Variants in RBM28 observed in about 807,000 individuals in gnomAD.
RBM28 encodes the protein RNA-binding protein 28.
RBM28 carries 78 observed loss-of-function variants against 98.3 expected under a neutral mutation model. That is an observed-to-expected ratio of 0.79 (90% CI 0.66 to 0.96). RBM28 has a LOEUF of 0.96. RBM28 is among the 40% of genes least tolerant of loss of function. The probability of loss-of-function intolerance (pLI) is 0.00; values close to 1 mark genes in which losing one functional copy is unlikely to be tolerated. For missense variants in RBM28, 838 were observed against 913.0 expected (o/e 0.92, Z 1.06); for synonymous variants, 306 against 330.9 (o/e 0.92, Z 0.82).
chr7:128,323,718 G>C, intron 12 of RBM28, 127 bp from the exon 13 acceptor site: 1 of 1,037,732 alleles, frequency 9.6e-7, no homozygotes, highest in Non-Finnish European at 1.4e-6. Flanking sequence ...CCAGGACACG[G>C]TGGCATTTGG....
At position 128,330,943 on chromosome 7, in the gene RBM28, C is replaced by T; in HGVS notation, c.1020-15G>A. 6.4e-7 allele frequency: 1 copy of T among 1,554,986 alleles called. No homozygotes were observed. The highest frequency in any genetic ancestry group is 8.9e-7 in the Non-Finnish European group (1 of 1,126,080). On this transcript the variant is annotated splice_polypyrimidine_tract_variant and intron_variant, in intron 9 of 18. Transcript: ENST00000223073. Reference sequence around the variant, plus strand: ...AGGACAGATTTCTATGGAAGATAACCAGATGATCACAAGAAAAGTCAATTA... The same window carrying T: ...AGGACAGATTTCTATGGAAGATAACTAGATGATCACAAGAAAAGTCAATTA...
At chr7:128,333,182 G>T in intron 9 of RBM28, 108 bp downstream of exon 9, 1 of 839,060 alleles carries the variant, frequency 1.2e-6, no homozygotes, top group Non-Finnish European at 2.0e-6. Flanking sequence ...AGATGTGCTT[G>T]ATCTAATTTC....
In RBM28 at chr7:128,306,924, T is replaced by A. The variant is rs1795878458; in HGVS notation, c.*3873A>T. 6.6e-6 allele frequency: 1 copy of A among 152,186 alleles called. No individual in the cohort carries two copies. Among genetic ancestry groups the A allele is most frequent in the South Asian group, 2.1e-4 (1 of 4,824 alleles). 9.4% of individuals were successfully genotyped at this position (152,186 alleles called of 1,614,324 possible). ...AAGCCATCACAGACTCTGCAAATAA[T>A]CCTGGAAAGGAAGAGGTACCAGGAC... On this transcript the variant is annotated 3_prime_UTR_variant, in exon 19 of 19. Coordinates refer to ENST00000223073, the MANE Select transcript of RBM28 (RefSeq NM_018077.3).
rs2116291976 is a variant in RBM28 at position 128,299,684 on chromosome 7, G to T, written c.*11113C>A. ...ACAATCCAATGAGCCTCCCTTCAGA[G>T]AGAGGCACCCTCATGGCCTAATTAC... On this transcript the variant is annotated 3_prime_UTR_variant, in exon 19 of 19. Coordinates refer to ENST00000223073, the MANE Select transcript of RBM28 (RefSeq NM_018077.3). 6.6e-6 allele frequency: 1 copy of T among 152,340 alleles called. No individual in the cohort carries two copies. The highest frequency in any genetic ancestry group is 2.1e-4 in the South Asian group (1 of 4,826). The allele number at this position is 152,340 out of a possible 1,614,324, so 9.4% of individuals were successfully genotyped here.
chr7:128,318,467 C>G (rs1796152948), intron 14 of RBM28, among the ~76,000 whole-genome samples: 1 of 142,944 alleles, frequency 7.0e-6, no homozygotes, highest in Admixed American at 7.2e-5. Context: ...AGAGTGAGAC[C>G]CTGTCTCAAA....
Position 128,310,661 on chromosome 7 carries a change from A to T in RBM28, c.*136T>A, listed in dbSNP as rs1795960565. On this transcript the variant is annotated 3_prime_UTR_variant, in exon 19 of 19. Transcript: ENST00000223073. ...ACCAAAGTTCAGATGTACACAGTCC[A>T]GGGCACCTCCGAGCACAGTGGCAGT... 2 of 1,161,292 alleles carry T rather than the reference A, an allele frequency of 1.7e-6. No individual in the cohort carries two copies. Among genetic ancestry groups the T allele is most frequent in the Non-Finnish European group, 2.6e-6 (2 of 781,346 alleles). The allele number at this position is 1,161,292 out of a possible 1,614,324, so 71.9% of individuals were successfully genotyped here.
At chr7:128,318,146 G>A (rs373067836) in intron 14 of RBM28, 40 bp from the exon 15 acceptor site, 53 of 1,563,908 alleles carry the variant, frequency 3.4e-5, no homozygotes, top group Admixed American at 1.0e-4. Context: ...ATTACAGAAT[G>A]AGAAGACTTG....
chr7:128,313,035 G>A, intron 18 of RBM28, 140 bp downstream of exon 18: 1 of 844,152 alleles, frequency 1.2e-6, no homozygotes, highest in Non-Finnish European at 2.0e-6. Flanking sequence ...AGATTGTATA[G>A]CTCAACATTC....
chr7:128,341,014 G>T, intron 1 of RBM28: 1 of 528,432 alleles, frequency 1.9e-6, no homozygotes, highest in Non-Finnish European at 3.0e-6. Context: ...AATATCAACT[G>T]TAACCCACCT....
chr7:128,311,360 G>A (rs6980301), intron 18 of RBM28, among the ~76,000 whole-genome samples: 10,325 of 152,246 alleles, frequency 0.068, 401 homozygotes, highest in African/African-American at 0.092. Flanking sequence ...GATTTCTTGA[G>A]TAGGATGGGA....
rs925822432 is a variant in RBM28 at position 128,300,249 on chromosome 7, G to A, written c.*10548C>T. 1 of 152,244 alleles carries A rather than the reference G, an allele frequency of 6.6e-6. No homozygotes were observed. Among genetic ancestry groups the A allele is most frequent in the African/African-American group, 2.4e-5 (1 of 41,446 alleles). The allele number at this position is 152,244 out of a possible 1,614,324, so 9.4% of individuals were successfully genotyped here. A position where few individuals can be genotyped will look rare whatever the true frequency, so the allele number is the denominator to read the frequency against. The stretch of plus-strand genomic sequence containing the variant: ...ATGATCTCTGGACATGAAGCCTGAG[G>A]ACCATGCAAGCTCCTTCCTGCCAGA... On this transcript the variant is annotated 3_prime_UTR_variant, in exon 19 of 19. Coordinates refer to ENST00000223073, the MANE Select transcript of RBM28 (RefSeq NM_018077.3).
chr7:128,321,114 C>T, intron 14 of RBM28, 152 bp downstream of exon 14: 1 of 1,075,500 alleles, frequency 9.3e-7, no homozygotes, highest in South Asian at 1.3e-5. Flanking sequence ...TGCAGTGAGT[C>T]AAGATTGCAC....
rs898228872 is a variant in RBM28, at chr7:128,329,520, C to T, written c.1129+1299G>A. ...CTGTGGATAGGCTCAAGAGAGCCCA[C>T]ACAGCCTCCGAAGCAGCATTTTTCT... On this transcript the variant is annotated intron_variant, in intron 10 of 18. Transcript: ENST00000223073. Among the ~76,000 whole-genome samples, 4 of 152,228 alleles carry T rather than the reference C, an allele frequency of 2.6e-5. No homozygotes were observed. The South Asian group carries it at 8.3e-4, about 31-fold the overall frequency.
Position 128,309,027 on chromosome 7 carries a change from G to A in RBM28, c.*1770C>T, listed in dbSNP as rs1278199413. The A allele has an allele frequency of 6.6e-6, 1 of 150,404 alleles. No individual in the cohort carries two copies. Among genetic ancestry groups the A allele is most frequent in the Non-Finnish European group, 1.5e-5 (1 of 67,830 alleles). The allele number at this position is 150,404 out of a possible 1,614,324, so 9.3% of individuals were successfully genotyped here. A position where few individuals can be genotyped will look rare whatever the true frequency, so the allele number is the denominator to read the frequency against. ...ATATCTCTAGCTCAGCAATGGTTCT[G>A]TCAAAGCATTATTTGTAACACTCAA... On this transcript the variant is annotated 3_prime_UTR_variant, in exon 19 of 19. Coordinates refer to ENST00000223073, the MANE Select transcript of RBM28 (RefSeq NM_018077.3).
intron 10 of RBM28, among the ~76,000 whole-genome samples, chr7:128,326,988 T>C (rs982137464): frequency 2.0e-5 from 3 of 148,640 alleles, no homozygotes; most frequent in South Asian, 4.3e-4. Flanking sequence ...AAAAAAAAAA[T>C]TGGCTGGGTG....
In RBM28 at chr7:128,304,590, A is replaced by G; in HGVS notation, c.*6207T>C. 6.6e-6 allele frequency: 1 copy of G among 152,480 alleles called. No individual in the cohort carries two copies. Among genetic ancestry groups the G allele is most frequent in the Non-Finnish European group, 1.5e-5 (1 of 68,206 alleles). The allele number at this position is 152,480 out of a possible 1,614,324, so 9.4% of individuals were successfully genotyped here. On this transcript the variant is annotated 3_prime_UTR_variant, in exon 19 of 19. Coordinates refer to ENST00000223073, the MANE Select transcript of RBM28 (RefSeq NM_018077.3). ...ACTTGCCAACCCAGGGAGGTTTTCC[A>G]TCTTGCTGGTTTGGTGAGGGAGGCT... is the stretch of plus-strand genomic sequence containing the variant.
intron 1 of RBM28, among the ~76,000 whole-genome samples, 156 bp from the exon 2 acceptor site, chr7:128,339,947 C>T (rs1212241077): frequency 6.6e-6 from 1 of 152,148 alleles, no homozygotes; most frequent in South Asian, 2.1e-4. Flanking sequence ...CTCAGGAGGG[C>T]GAGAAACAAG....
intron 18 of RBM28, among the ~76,000 whole-genome samples, chr7:128,312,350 A>G (rs1796003692): frequency 6.6e-6 from 1 of 152,224 alleles, no homozygotes; most frequent in Non-Finnish European, 1.5e-5. Context: ...GTGAGCCGAG[A>G]TTGCGCCATT....
intron 1 of RBM28, among the ~76,000 whole-genome samples, chr7:128,341,647 G>A (rs1031367155): frequency 6.6e-6 from 1 of 152,186 alleles, no homozygotes; most frequent in African/African-American, 2.4e-5. Flanking sequence ...TAAGGATTTA[G>A]ACCAAGTACA....
Sources: gnomAD v4.1 joint callset for allele counts (sites outside exome capture counted in the v4.1 genomes callset) on GRCh38, gnomAD v4.1.1 for gene constraint, MANE v1.5 for transcripts, NCBI Gene and HGNC (gene_info 2026-07-23, HGNC 2026-07-21) for gene names.